MAP4K3: variants seen among roughly 807,000 people sequenced by gnomAD.
The protein encoded by MAP4K3 is mitogen-activated protein kinase kinase kinase kinase 3.
In MAP4K3, 94 loss-of-function variants were observed where a neutral mutation model predicts 143.5. That is an observed-to-expected ratio of 0.65 (90% CI 0.55 to 0.78). MAP4K3 has a LOEUF of 0.78. MAP4K3 is among the 30% of genes least tolerant of loss of function. The pLI is 0.00. For missense variants in MAP4K3, 1,077 were observed against 1,068.1 expected, an observed-to-expected ratio of 1.01 and a Z score of -0.12; for synonymous variants, 416 against 347.2, an observed-to-expected ratio of 1.20 and a Z score of -2.20.
chr2:39,290,186 TTTTC>T, intron 19 of MAP4K3, 102 bp downstream of exon 19: 2 of 770,822 alleles, frequency 2.6e-6, no homozygotes, highest in Non-Finnish European at 4.0e-6. Flanking sequence ...ACTTCATGAT[TTTTC>T]TTTGTGGATC....
intron 27 of MAP4K3, 37 bp downstream of exon 27, chr2:39,267,152 T>A: frequency 6.3e-7 from 1 of 1,596,386 alleles, no homozygotes; most frequent in South Asian, 1.1e-5. Context: ...TTAGGAGGAG[T>A]CTCAGAGAGC....
chr2:39,398,937 G>A (rs1041935612), intron 1 of MAP4K3, among the ~76,000 whole-genome samples: 3 of 150,930 alleles, frequency 2.0e-5, no homozygotes, highest in Non-Finnish European at 4.4e-5. Flanking sequence ...CCAGCTACTC[G>A]GGAGGCTGAG....
At chr2:39,409,462 C>G (rs1308566880) in intron 1 of MAP4K3, among the ~76,000 whole-genome samples, 1 of 152,112 alleles carries the variant, frequency 6.6e-6, no homozygotes, top group African/African-American at 2.4e-5. Flanking sequence ...GCTGCAGTGG[C>G]ACCAGCTTAT....
chr2:39,391,690 T>C (rs930889971), intron 1 of MAP4K3, among the ~76,000 whole-genome samples: 2 of 152,046 alleles, frequency 1.3e-5, no homozygotes, highest in African/African-American at 4.8e-5. Context: ...TTAAAATCAG[T>C]TGTGTGCTGG....
At chr2:39,280,757 G>C (rs897757604) in intron 22 of MAP4K3, among the ~76,000 whole-genome samples, 1 of 152,098 alleles carries the variant, frequency 6.6e-6, no homozygotes, top group African/African-American at 2.4e-5. Context: ...TTGGTTTTAT[G>C]AGCCTAAAAA....
At chr2:39,434,143 T>G (rs752107470) in intron 1 of MAP4K3, among the ~76,000 whole-genome samples, 35 of 152,228 alleles carry the variant, frequency 2.3e-4, no homozygotes, top group Non-Finnish European at 1.0e-4. Flanking sequence ...GATCTCTTAT[T>G]TATTTAATCC....
chr2:39,392,672 A>G (rs1666698941), intron 1 of MAP4K3, among the ~76,000 whole-genome samples: 1 of 152,216 alleles, frequency 6.6e-6, no homozygotes, highest in Non-Finnish European at 1.5e-5. Flanking sequence ...CCAATGTAAT[A>G]GTATTGGCAG....
intron 28 of MAP4K3, among the ~76,000 whole-genome samples, chr2:39,262,902 C>T (rs983351488): frequency 3.3e-5 from 5 of 151,926 alleles, no homozygotes; most frequent in African/African-American, 7.3e-5. Context: ...GTCAGGAGTT[C>T]GAGACCAGCC....
chr2:39,262,064 T>C (rs1680590346), intron 28 of MAP4K3, among the ~76,000 whole-genome samples: 1 of 152,242 alleles, frequency 6.6e-6, no homozygotes, highest in African/African-American at 2.4e-5. Flanking sequence ...TTTATATTTT[T>C]GTTGCTTTTA....
chr2:39,346,309 C>T (rs1665291232), intron 3 of MAP4K3, among the ~76,000 whole-genome samples: 1 of 152,204 alleles, frequency 6.6e-6, no homozygotes, highest in Non-Finnish European at 1.5e-5. Context: ...ATCAAAACCT[C>T]TGGATCTTTA....
chr2:39,277,559 A>G (rs1294891917), intron 24 of MAP4K3, among the ~76,000 whole-genome samples: 1 of 151,628 alleles, frequency 6.6e-6, no homozygotes, highest in Non-Finnish European at 1.5e-5. Context: ...TAATTAGAAC[A>G]TGCTCCAGAA....
At chr2:39,419,125 A>T (rs1221110103) in intron 1 of MAP4K3, among the ~76,000 whole-genome samples, 1 of 152,202 alleles carries the variant, frequency 6.6e-6, no homozygotes, top group Non-Finnish European at 1.5e-5. Context: ...AATATTTTAA[A>T]TAATGTTTTA....
chr2:39,334,773 ATGAG>A (rs1455134129), intron 6 of MAP4K3, among the ~76,000 whole-genome samples: 2 of 152,214 alleles, frequency 1.3e-5, no homozygotes, highest in African/African-American at 4.8e-5. Context: ...GGTTACAATA[ATGAG>A]TAAGTTCCAA....
In MAP4K3 at chr2:39,286,259, A is replaced by G. The variant is rs144447961; in HGVS notation, c.1587+593T>C. Among the ~76,000 whole-genome samples, 1,036 of 152,332 alleles carry G rather than the reference A, an allele frequency of 6.8e-3. 12 individuals are homozygous for G. Among genetic ancestry groups the G allele is most frequent in the African/African-American group, 0.023 (970 of 41,576 alleles). On this transcript the variant is annotated intron_variant, in intron 21 of 33. Coordinates refer to ENST00000263881, the MANE Select transcript of MAP4K3 (RefSeq NM_003618.4). Reference sequence around the variant, plus strand: ...ATGCACACTTCACAACAGGGTTTGCACTACGAGAATCTAATGCTGCAGCTG... The same window carrying G: ...ATGCACACTTCACAACAGGGTTTGCGCTACGAGAATCTAATGCTGCAGCTG...
At chr2:39,309,155 ACACTT>A in intron 14 of MAP4K3, among the ~76,000 whole-genome samples, 1 of 152,130 alleles carries the variant, frequency 6.6e-6, no homozygotes, top group Non-Finnish European at 1.5e-5. Flanking sequence ...ACAAGGTCTC[ACACTT>A]TCACCCAGGC....
At chr2:39,409,933 C>G (rs1279085407) in intron 1 of MAP4K3, among the ~76,000 whole-genome samples, 2 of 152,136 alleles carry the variant, frequency 1.3e-5, no homozygotes. Flanking sequence ...TTTCTAAGTG[C>G]TAATTCCAAT....
At chr2:39,289,203 T>C (rs1681927384) in intron 19 of MAP4K3, among the ~76,000 whole-genome samples, 1 of 152,262 alleles carries the variant, frequency 6.6e-6, no homozygotes, top group Admixed American at 6.5e-5. Context: ...TCTCTTATTA[T>C]TGCTCAGCAC....
intron 1 of MAP4K3, among the ~76,000 whole-genome samples, chr2:39,406,127 A>C (rs1243705025): frequency 2.0e-5 from 3 of 152,086 alleles, no homozygotes; most frequent in African/African-American, 7.2e-5. Flanking sequence ...GTCTCTTAAT[A>C]GCAAAACTGA....
chr2:39,417,869 G>A (rs1667428108), intron 1 of MAP4K3, among the ~76,000 whole-genome samples: 1 of 152,062 alleles, frequency 6.6e-6, no homozygotes, highest in African/African-American at 2.4e-5. Flanking sequence ...AATACAAGAT[G>A]AGCCTAAAGC....
Sources: gnomAD v4.1 joint callset for allele counts (sites outside exome capture counted in the v4.1 genomes callset) on GRCh38, gnomAD v4.1.1 for gene constraint, MANE v1.5 for transcripts, NCBI Gene and HGNC (gene_info 2026-07-23, HGNC 2026-07-21) for gene names.